Variants in PPP3CA observed in about 807,000 individuals in gnomAD.
The protein encoded by PPP3CA is protein phosphatase 3 catalytic subunit alpha.
PPP3CA carries 14 observed loss-of-function variants against 66.5 expected under a neutral mutation model. The observed-to-expected ratio is 0.21, with a 90% confidence interval of 0.14 to 0.33. The LOEUF (loss-of-function observed/expected upper bound fraction) is 0.33. Ranked by LOEUF, PPP3CA falls within the 10% of genes least tolerant of loss-of-function variation. The pLI is 1.00. For missense variants in PPP3CA, 317 were observed against 639.5 expected, an observed-to-expected ratio of 0.50 and a Z score of 5.44; for synonymous variants, 232 against 226.2, an observed-to-expected ratio of 1.03 and a Z score of -0.23.
Position 101,099,595 on chromosome 4 carries a change from GT to G in PPP3CA, c.496+15del, listed in dbSNP as rs1339079167. On this transcript the variant is annotated intron_variant, in intron 4 of 13. Transcript: ENST00000394854. ...GCACATATAGTGTTAAAGGAAGGAG[GT>G]TGAAGTATACTTACATTCTTGTTTA... 1 of 1,453,820 alleles carries G rather than the reference GT, an allele frequency of 6.9e-7. No homozygotes were observed. The highest frequency in any genetic ancestry group is 1.8e-5 in the Admixed American group (1 of 54,652). The allele number at this position is 1,453,820 out of a possible 1,614,324, so 90.1% of individuals were successfully genotyped here. A position where few individuals can be genotyped will look rare whatever the true frequency, so the allele number is the denominator to read the frequency against.
At chr4:101,315,777 C>G (rs756480407) in intron 1 of PPP3CA, among the ~76,000 whole-genome samples, 12 of 152,184 alleles carry the variant, frequency 7.9e-5, no homozygotes, top group Admixed American at 3.9e-4. Flanking sequence ...TCCATGCAGG[C>G]ATGTCCCAGG....
At chr4:101,245,715 G>C (rs767586616) in intron 1 of PPP3CA, among the ~76,000 whole-genome samples, 1 of 151,748 alleles carries the variant, frequency 6.6e-6, no homozygotes, top group Non-Finnish European at 1.5e-5. Context: ...CATATATTTT[G>C]TCCTTCACCC....
intron 2 of PPP3CA, among the ~76,000 whole-genome samples, chr4:101,119,613 T>C (rs962202206): frequency 7.9e-5 from 12 of 152,114 alleles, no homozygotes; most frequent in African/African-American, 2.9e-4. Flanking sequence ...TCACTCCTCT[T>C]CCTTGTCATG....
At chr4:101,091,670 G>T (rs933848924) in intron 6 of PPP3CA, among the ~76,000 whole-genome samples, 2 of 151,646 alleles carry the variant, frequency 1.3e-5, no homozygotes, top group Admixed American at 6.6e-5. Context: ...TCAGATCAAC[G>T]TCCTATAGAA....
intron 1 of PPP3CA, among the ~76,000 whole-genome samples, chr4:101,236,794 G>A (rs1403450134): frequency 6.6e-6 from 1 of 151,768 alleles, no homozygotes; most frequent in Non-Finnish European, 1.5e-5. Context: ...AGTCTTAAGT[G>A]ACACAGATTG....
At chr4:101,052,026 T>G (rs948627752) in intron 10 of PPP3CA, among the ~76,000 whole-genome samples, 2 of 152,016 alleles carry the variant, frequency 1.3e-5, no homozygotes, top group Non-Finnish European at 2.9e-5. Context: ...GATATGGCTG[T>G]TTTTTTAACA....
At chr4:101,269,324 C>T (rs1311601200) in intron 1 of PPP3CA, among the ~76,000 whole-genome samples, 3 of 152,104 alleles carry the variant, frequency 2.0e-5, no homozygotes, top group African/African-American at 7.2e-5. Flanking sequence ...ATTAGCTCCA[C>T]ATTCACAAGT....
chr4:101,324,150 G>GAAGGAAGGGAAGGAAGGGAAGGA (rs1305406744), intron 1 of PPP3CA, among the ~76,000 whole-genome samples: 2 of 97,484 alleles, frequency 2.1e-5, no homozygotes, highest in African/African-American at 9.4e-5. Context: ...GGAAGGAAGG[G>GAAGGAAGGGAAGGAAGGGAAGGA]AGGGAGGAAG....
chr4:101,168,857 C>A (rs925401901), intron 2 of PPP3CA, among the ~76,000 whole-genome samples: 1 of 152,072 alleles, frequency 6.6e-6, no homozygotes, highest in Non-Finnish European at 1.5e-5. Flanking sequence ...AAATTTACAC[C>A]AGTCTTTTGT....
intron 1 of PPP3CA, among the ~76,000 whole-genome samples, chr4:101,209,851 A>C (rs1725246930): frequency 6.6e-6 from 1 of 152,192 alleles, no homozygotes; most frequent in Non-Finnish European, 1.5e-5. Flanking sequence ...ACAGGTATCT[A>C]AAGAAAGTGA....
intron 3 of PPP3CA, among the ~76,000 whole-genome samples, chr4:101,106,244 C>T (rs1489412499): frequency 6.6e-6 from 1 of 151,446 alleles, no homozygotes; most frequent in East Asian, 1.9e-4. Context: ...TCACTTGAGA[C>T]AGGCAGATTG....
intron 1 of PPP3CA, among the ~76,000 whole-genome samples, chr4:101,278,627 C>G (rs1727585082): frequency 6.6e-6 from 1 of 152,170 alleles, no homozygotes; most frequent in Non-Finnish European, 1.5e-5. Flanking sequence ...CCAGGCCTAC[C>G]CATAATTCTG....
At chr4:101,063,869 T>C (rs1728574985) in intron 8 of PPP3CA, among the ~76,000 whole-genome samples, 1 of 151,982 alleles carries the variant, frequency 6.6e-6, no homozygotes, top group African/African-American at 2.4e-5. Flanking sequence ...TACATAATTA[T>C]GGGGTGCATA....
At chr4:101,322,478 T>C (rs1028428741) in intron 1 of PPP3CA, among the ~76,000 whole-genome samples, 1 of 150,026 alleles carries the variant, frequency 6.7e-6, no homozygotes. Context: ...TGGTGCAATC[T>C]CAGCTCACTA....
chr4:101,256,153 AC>A (rs1297463859), intron 1 of PPP3CA, among the ~76,000 whole-genome samples: 1 of 151,960 alleles, frequency 6.6e-6, no homozygotes, highest in Admixed American at 6.6e-5. Context: ...TAACAAAGGT[AC>A]ATATATGAAT....
At chr4:101,085,542 A>T (rs1171861178) in intron 6 of PPP3CA, among the ~76,000 whole-genome samples, 1 of 152,178 alleles carries the variant, frequency 6.6e-6, no homozygotes, top group Non-Finnish European at 1.5e-5. Context: ...AGTGAGGAGT[A>T]TTTGCATTAT....
At chr4:101,049,351 C>A (rs1727910589) in intron 10 of PPP3CA, among the ~76,000 whole-genome samples, 1 of 151,972 alleles carries the variant, frequency 6.6e-6, no homozygotes, top group Non-Finnish European at 1.5e-5. Context: ...GATATTGCTC[C>A]CCCTGCCTTT....
intron 1 of PPP3CA, among the ~76,000 whole-genome samples, chr4:101,254,191 C>T (rs888442456): frequency 1.7e-4 from 26 of 151,976 alleles, no homozygotes; most frequent in African/African-American, 6.0e-4. Flanking sequence ...TATTGGTTTA[C>T]GTATCTGCCT....
chr4:101,144,692 C>G (rs1297573488), intron 2 of PPP3CA, among the ~76,000 whole-genome samples: 1 of 152,158 alleles, frequency 6.6e-6, no homozygotes, highest in Admixed American at 6.5e-5. Context: ...CCCTGTGACT[C>G]TAGATCCTAT....
Sources: allele counts gnomAD v4.1 joint callset (sites outside exome capture counted in the v4.1 genomes callset), GRCh38; gene constraint gnomAD v4.1.1; transcripts MANE v1.5; gene names NCBI Gene and HGNC (gene_info 2026-07-23, HGNC 2026-07-21).